Variants in ZNF804A observed in about 807,000 individuals in gnomAD.
ZNF804A encodes the protein zinc finger protein 804A.
A neutral mutation model predicts 16.5 loss-of-function variants in ZNF804A; 2 were observed. That is an observed-to-expected ratio of 0.12 (90% CI 0.05 to 0.38). The LOEUF is 0.38. ZNF804A is among the 10% of genes least tolerant of loss of function. The pLI is 0.99. For synonymous variants in ZNF804A, 534 were observed against 489.6 expected (o/e 1.09, Z -1.20); for missense variants, 1,473 against 1,390.7 (o/e 1.06, Z -0.94).
intron 1 of ZNF804A, among the ~76,000 whole-genome samples, chr2:184,808,364 G>A (rs993966311): frequency 6.6e-5 from 10 of 151,466 alleles, no homozygotes; most frequent in African/African-American, 2.4e-4. Context: ...AATTTTCAGT[G>A]GTTAGAAGAT....
At chr2:184,902,770 T>C (rs1685207770) in intron 2 of ZNF804A, among the ~76,000 whole-genome samples, 1 of 152,164 alleles carries the variant, frequency 6.6e-6, no homozygotes, top group African/African-American at 2.4e-5. Flanking sequence ...GTTTCTATTG[T>C]CACTGTTTTT....
intron 1 of ZNF804A, among the ~76,000 whole-genome samples, chr2:184,722,141 T>TA (rs970984354): frequency 6.6e-6 from 1 of 151,892 alleles, no homozygotes; most frequent in Non-Finnish European, 1.5e-5. Context: ...CATTTTGACG[T>TA]AAAAAAAGCT....
intron 2 of ZNF804A, among the ~76,000 whole-genome samples, chr2:184,880,195 T>G (rs767940665): frequency 3.9e-5 from 6 of 152,016 alleles, no homozygotes; most frequent in Non-Finnish European, 8.8e-5. Context: ...TTGTCACTGT[T>G]AAGAGGTTAT....
At chr2:184,624,102 C>T (rs1299699989) in intron 1 of ZNF804A, among the ~76,000 whole-genome samples, 1 of 151,998 alleles carries the variant, frequency 6.6e-6, no homozygotes, top group Non-Finnish European at 1.5e-5. Flanking sequence ...ATAGTGCTGG[C>T]CCATTAATAC....
At chr2:184,664,742 GTGTT>G (rs1341909541) in intron 1 of ZNF804A, among the ~76,000 whole-genome samples, 2 of 152,150 alleles carry the variant, frequency 1.3e-5, no homozygotes, top group African/African-American at 4.8e-5. Flanking sequence ...TGTTCAGAAA[GTGTT>G]TGGGACAGAG....
At chr2:184,851,815 G>T (rs966628416) in intron 1 of ZNF804A, among the ~76,000 whole-genome samples, 1 of 151,654 alleles carries the variant, frequency 6.6e-6, no homozygotes, top group African/African-American at 2.4e-5. Context: ...AGAACACAAG[G>T]GCTCCATTTC....
intron 1 of ZNF804A, among the ~76,000 whole-genome samples, chr2:184,719,859 C>G (rs948940571): frequency 2.0e-5 from 3 of 152,206 alleles, no homozygotes; most frequent in Non-Finnish European, 2.9e-5. Context: ...AATGTTCCAA[C>G]CTCTGCCTCT....
chr2:184,853,756 G>C (rs908950918), intron 1 of ZNF804A, among the ~76,000 whole-genome samples: 3 of 151,378 alleles, frequency 2.0e-5, no homozygotes, highest in African/African-American at 7.3e-5. Flanking sequence ...AACTGATCTT[G>C]GTAAATAATG....
Position 184,913,534 on chromosome 2 carries a change from C to T in ZNF804A, c.256-20069C>T, listed in dbSNP as rs914014663. Among the ~76,000 whole-genome samples, 45 of 152,220 alleles carry T rather than the reference C, an allele frequency of 3.0e-4. 1 individual carries two copies. Among genetic ancestry groups the T allele is most frequent in the South Asian group, 2.5e-3 (12 of 4,826 alleles). On this transcript the variant is annotated intron_variant, in intron 2 of 3. Coordinates refer to ENST00000302277, the MANE Select transcript of ZNF804A (RefSeq NM_194250.2). ...TTTCTGAGTATAGTTCTGATAGATA[C>T]GGTATTCTTGGTTGACAGTTCCTTT...
intron 2 of ZNF804A, among the ~76,000 whole-genome samples, chr2:184,891,435 TA>T (rs1452761966): frequency 1.3e-5 from 2 of 152,164 alleles, no homozygotes; most frequent in Admixed American, 6.5e-5. Flanking sequence ...TAAACTTAGT[TA>T]AAATCATAAT....
intron 1 of ZNF804A, among the ~76,000 whole-genome samples, chr2:184,826,215 A>G (rs1286013696): frequency 2.6e-5 from 4 of 151,968 alleles, no homozygotes; most frequent in Admixed American, 1.3e-4. Flanking sequence ...GGAATGTGAC[A>G]TTTTCTATAT....
chr2:184,712,754 C>A (rs1693149400), intron 1 of ZNF804A, among the ~76,000 whole-genome samples: 1 of 151,536 alleles, frequency 6.6e-6, no homozygotes, highest in African/African-American at 2.4e-5. Flanking sequence ...TTTCTAATGA[C>A]CTTCAAGCTT....
At position 184,936,155 on chromosome 2, in the gene ZNF804A, C is replaced by G; in HGVS notation, c.759C>G (p.Val253=). 6.2e-7 allele frequency: 1 copy of G among 1,613,968 alleles called. No homozygotes were observed. The highest frequency in any genetic ancestry group is 8.5e-7 in the Non-Finnish European group (1 of 1,179,952). ...GATTTAGCAGAAAAAGTAGATTTGT[C>G]CCCAGTGCTTGTCATCTTCAACAAT... ...GKGFSRKSRF[V]PSACHLQQSS... is the part of the protein sequence containing the mutation. Residue 253 remains valine (V), a synonymous_variant, in exon 4 of 4, where the codon GTC becomes GTG. Coordinates refer to ENST00000302277, the MANE Select transcript of ZNF804A (RefSeq NM_194250.2).
chr2:184,813,898 T>G (rs2105787859), intron 1 of ZNF804A, among the ~76,000 whole-genome samples: 1 of 151,086 alleles, frequency 6.6e-6, no homozygotes. Flanking sequence ...TTTGATTGTC[T>G]CCCTTCTGGA....
chr2:184,681,959 G>A (rs747533010), intron 1 of ZNF804A, among the ~76,000 whole-genome samples: 20 of 152,174 alleles, frequency 1.3e-4, no homozygotes, highest in Non-Finnish European at 2.4e-4. Flanking sequence ...AAGCCAAGTC[G>A]GAGTGCTGTT....
At chr2:184,746,943 G>C (rs1049580305) in intron 1 of ZNF804A, among the ~76,000 whole-genome samples, 7 of 151,328 alleles carry the variant, frequency 4.6e-5, no homozygotes, top group African/African-American at 1.7e-4. Flanking sequence ...AACTGAGAGA[G>C]TTTTCAGTTC....
chr2:184,708,878 C>G (rs1213850209), intron 1 of ZNF804A, among the ~76,000 whole-genome samples: 1 of 152,044 alleles, frequency 6.6e-6, no homozygotes, highest in Non-Finnish European at 1.5e-5. Flanking sequence ...CATTCAAACT[C>G]CTTATCTTAA....
intron 1 of ZNF804A, among the ~76,000 whole-genome samples, chr2:184,839,733 T>C (rs917316666): frequency 2.0e-5 from 3 of 152,156 alleles, no homozygotes; most frequent in Non-Finnish European, 4.4e-5. Flanking sequence ...CTTAACAGAA[T>C]GTTTACTACA....
At chr2:184,813,869 C>T (rs1330165508) in intron 1 of ZNF804A, among the ~76,000 whole-genome samples, 3 of 151,794 alleles carry the variant, frequency 2.0e-5, no homozygotes, top group Non-Finnish European at 4.4e-5. Context: ...CTATTTTTTC[C>T]ATCAAGATGA....
Sources: gnomAD v4.1 joint callset for allele counts (sites outside exome capture counted in the v4.1 genomes callset) on GRCh38, gnomAD v4.1.1 for gene constraint, MANE v1.5 for transcripts, NCBI Gene and HGNC (gene_info 2026-07-23, HGNC 2026-07-21) for gene names.